CHD3: variants seen among roughly 807,000 people sequenced by gnomAD.
CHD3 encodes the protein chromodomain helicase DNA binding protein 3, also known as ATP-dependent chromatin remodeler CHD3.
In CHD3, 52 loss-of-function variants were observed where a neutral mutation model predicts 248.9. That is an observed-to-expected ratio of 0.21 (90% CI 0.17 to 0.26). The LOEUF is 0.26. Ranked by LOEUF, CHD3 falls within the 10% of genes least tolerant of loss-of-function variation. CHD3 has a pLI of 1.00. For missense variants in CHD3, 1,482 were observed against 2,605.8 expected (o/e 0.57, Z 9.39); for synonymous variants, 985 against 985.2 (o/e 1.00, Z 0.00).
Position 7,890,978 on chromosome 17 carries a change from C to T in CHD3, c.423C>T (p.Thr141=), listed in dbSNP as rs768247041. 3 of 1,613,996 alleles carry T rather than the reference C, an allele frequency of 1.9e-6. No individual in the cohort carries two copies. Among genetic ancestry groups the T allele is most frequent in the East Asian group, 4.5e-5 (2 of 44,890 alleles). ...EQKSSATLLL[T]WGLEDVEHVF... ...AGTCATCAGCAACTCTGCTTCTGAC[C>T]TGGGGCCTGGAGGATGTGGAGCATG... Residue 141 remains threonine, a synonymous_variant, in exon 4 of 40, where the codon ACC becomes ACT. Transcript: ENST00000330494.
Position 7,911,655 on chromosome 17 carries a change from C to G in CHD3, c.*70C>G. 1 of 1,608,368 alleles carries G rather than the reference C, an allele frequency of 6.2e-7. No individual in the cohort carries two copies. The highest frequency in any genetic ancestry group is 8.5e-7 in the Non-Finnish European group (1 of 1,176,918). On this transcript the variant is annotated 3_prime_UTR_variant, in exon 40 of 40. Coordinates refer to ENST00000330494, the MANE Select transcript of CHD3 (RefSeq NM_001005273.3). The surrounding 1 kb of genome is among the most constrained non-coding windows in gnomAD (Gnocchi z 5.4). ...CGACCCCCAGCTCAAGCGCTGGGGC[C>G]TGCTGCCAGCCCTCCACCTTCCCCA...
At chr17:7,894,068 G>T in intron 6 of CHD3, 47 bp from the exon 7 acceptor site, 1 of 1,579,130 alleles carries the variant, frequency 6.3e-7, no homozygotes, top group Non-Finnish European at 8.6e-7. Context: ...CCTGGGGAGG[G>T]CGTAGAATGA....
rs771229411 is a variant in CHD3, at chr17:7,910,346, C to A, written c.5591-82C>A. The A allele has an allele frequency of 7.1e-6, 11 of 1,555,726 alleles. No individual in the cohort carries two copies. Among genetic ancestry groups the A allele is most frequent in the Non-Finnish European group, 8.9e-6 (10 of 1,127,470 alleles). The stretch of plus-strand genomic sequence containing the variant: ...TCTTTTTCTGCCTGTATCTGTCCAT[C>A]TGATGCCTCTCTTTTCCTGGCTCCA... On this transcript the variant is annotated intron_variant, in intron 37 of 39. Coordinates refer to ENST00000330494, the MANE Select transcript of CHD3 (RefSeq NM_001005273.3). The surrounding 1 kb of genome is among the most constrained non-coding windows in gnomAD (Gnocchi z 4.7).
chr17:7,905,444 TG>T lies in CHD3; in HGVS notation c.4139-175del, dbSNP rs1970812891. ...TCAGCTGTTAATTTTAAAATATGAC[TG>T]GTTCTTTTAGACTTAGTGGGTTAGT... is the stretch of plus-strand genomic sequence containing the variant. On this transcript the variant is annotated intron_variant, in intron 26 of 39. Transcript: ENST00000330494. The surrounding 1 kb of genome is among the most constrained non-coding windows in gnomAD (Gnocchi z 5.8). 6.6e-6 allele frequency among the ~76,000 whole-genome samples: 1 copy of T among 152,180 alleles called. No individual in the cohort carries two copies. Among genetic ancestry groups the T allele is most frequent in the African/African-American group, 2.4e-5 (1 of 41,428 alleles).
chr17:7,886,948 G>C (rs1047064564), upstream of CHD3, among the ~76,000 whole-genome samples: 1 of 152,030 alleles, frequency 6.6e-6, no homozygotes, highest in Admixed American at 6.6e-5. The surrounding 1 kb of genome is among the most constrained non-coding windows in gnomAD (Gnocchi z 4.2). Flanking sequence ...CAGAAGAGAC[G>C]TCAGAGGCTG....
At position 7,903,209 on chromosome 17, in the gene CHD3, C is replaced by G; in HGVS notation, c.3496-63C>G. The G allele has an allele frequency of 1.9e-6, 3 of 1,583,568 alleles. No homozygotes were observed. In the South Asian group the frequency reaches 3.3e-5, roughly 18 times the overall value. On this transcript the variant is annotated intron_variant, in intron 22 of 39. Coordinates refer to ENST00000330494, the MANE Select transcript of CHD3 (RefSeq NM_001005273.3). The surrounding 1 kb of genome is among the most constrained non-coding windows in gnomAD (Gnocchi z 6.8). ...AGCAGCCTTCTTTCCTGAGGCAGCT[C>G]TATGGGCAGCTTCTCCCCGGCCACT...
In CHD3 at chr17:7,900,621, G is replaced by T; in HGVS notation, c.2868G>T (p.Leu956=). ...CCAAAGAGGACCAGATCAAGAAACT[G>T]CATGATTTGCTGGGGCCACACATGC... ...DISKEDQIKK[L]HDLLGPHMLR... Residue 956 remains leucine, a synonymous_variant, in exon 18 of 40, where the codon CTG becomes CTT. Coordinates refer to ENST00000330494, the MANE Select transcript of CHD3 (RefSeq NM_001005273.3). The surrounding 1 kb of genome is among the most constrained non-coding windows in gnomAD (Gnocchi z 6.5). 1 of 1,614,082 alleles carries T rather than the reference G, an allele frequency of 6.2e-7. No homozygotes were observed. The highest frequency in any genetic ancestry group is 1.7e-5 in the Admixed American group (1 of 60,018).
rs1159367742 is a variant in CHD3, at chr17:7,900,998, A to T, written c.3120+5A>T. The T allele has an allele frequency of 1.2e-6, 2 of 1,613,588 alleles. No individual in the cohort carries two copies. The highest frequency in any genetic ancestry group is 3.3e-5 in the Admixed American group (2 of 59,974). On this transcript the variant is annotated splice_donor_5th_base_variant and intron_variant, in intron 19 of 39. Transcript: ENST00000330494. This position sits in a 1 kb window ranked among gnomAD's most constrained non-coding sequence, Gnocchi z 6.5. ...CTTTTTCCCGTGGCTGCTATGGTAG[A>T]TACACAGAGCAGGGAGCTGATCGAA...
chr17:7,902,277 C>A (rs906043297), intron 20 of CHD3, among the ~76,000 whole-genome samples: 1 of 152,004 alleles, frequency 6.6e-6, no homozygotes, highest in Non-Finnish European at 1.5e-5. Context: ...CAAAAATTAG[C>A]TGGGCGTGGT....
In CHD3 at chr17:7,900,201, G is replaced by A; in HGVS notation, c.2683-89G>A. 1 of 1,549,876 alleles carries A rather than the reference G, an allele frequency of 6.5e-7. No individual in the cohort carries two copies. The highest frequency in any genetic ancestry group is 8.7e-7 in the Non-Finnish European group (1 of 1,154,654). On this transcript the variant is annotated intron_variant, in intron 16 of 39. Transcript: ENST00000330494. The surrounding 1 kb of genome is among the most constrained non-coding windows in gnomAD (Gnocchi z 6.5). ...GGGCCTCTGATCCTGAGTGAAATGG[G>A]AGCTGGGGCAGGGAAAGGCTGATGC...
In CHD3 at chr17:7,906,312, G is replaced by A. The variant is rs1289405945; in HGVS notation, c.4359-241G>A. On this transcript the variant is annotated intron_variant, in intron 28 of 39. Transcript: ENST00000330494. The surrounding 1 kb of genome is among the most constrained non-coding windows in gnomAD (Gnocchi z 5.0). ...GAGCTGGTGGAAAGGATGAAGAGCT[G>A]ACTGATGGGGCCCAGGAATTAAGTA... 4 of 676,636 alleles carry A rather than the reference G, an allele frequency of 5.9e-6. No individual in the cohort carries two copies. In the East Asian group the frequency reaches 1.0e-4, roughly 17 times the overall value. The allele number at this position is 676,636 out of a possible 1,614,324, so 41.9% of individuals were successfully genotyped here. A position where few individuals can be genotyped will look rare whatever the true frequency, so the allele number is the denominator to read the frequency against.
At position 7,905,747 on chromosome 17, in the gene CHD3, C is replaced by T; in HGVS notation, c.4224+41C>T. 1 of 1,612,098 alleles carries T rather than the reference C, an allele frequency of 6.2e-7. No individual in the cohort carries two copies. The highest frequency in any genetic ancestry group is 8.5e-7 in the Non-Finnish European group (1 of 1,178,280). ...AGTGTTCCTGAGTTCTCCAAGAGGG[C>T]ATGAGGGCAGGAGGTTGGAAGTTGG... On this transcript the variant is annotated intron_variant, in intron 27 of 39. Transcript: ENST00000330494. This position sits in a 1 kb window ranked among gnomAD's most constrained non-coding sequence, Gnocchi z 5.8.
rs756760970 is a variant in CHD3, at chr17:7,890,657, TCGGAAA to T, written c.303_308del (p.Lys102_Arg103del). 7.6e-6 allele frequency: 12 copies of T among 1,581,454 alleles called. No individual in the cohort carries two copies. Among genetic ancestry groups the T allele is most frequent in the Non-Finnish European group, 1.0e-5 (12 of 1,169,862 alleles). On this transcript the variant is annotated inframe_deletion, in exon 3 of 40. Transcript: ENST00000330494. ...GCAGTGAATATGGAACCGGACCGGG[TCGGAAA>T]CGAAGAAGGAAGCACCGAGAAAAAA...
chr17:7,893,713 C>A, intron 5 of CHD3, 92 bp from the exon 6 acceptor site: 1 of 1,550,092 alleles, frequency 6.5e-7, no homozygotes, highest in Non-Finnish European at 8.7e-7. Flanking sequence ...AACCACAGCC[C>A]ACAGAGGAAT....
At position 7,909,004 on chromosome 17, in the gene CHD3, G is replaced by A. The variant is rs1451391961; in HGVS notation, c.5395-139G>A. 2 of 1,404,382 alleles carry A rather than the reference G, an allele frequency of 1.4e-6. No homozygotes were observed. Among genetic ancestry groups the A allele is most frequent in the African/African-American group, 2.9e-5 (2 of 70,086 alleles). The allele number at this position is 1,404,382 out of a possible 1,614,324, so 87.0% of individuals were successfully genotyped here. A position where few individuals can be genotyped will look rare whatever the true frequency, so the allele number is the denominator to read the frequency against. ...GTGATCTGGGTCAGGGTTGCTGCTA[G>A]GTTCGCAGTCGGTTTGGAGCTGGGA... On this transcript the variant is annotated intron_variant, in intron 36 of 39. Transcript: ENST00000330494. The surrounding 1 kb of genome is among the most constrained non-coding windows in gnomAD (Gnocchi z 8.1).
chr17:7,907,006 C>T lies in CHD3; in HGVS notation c.4641C>T (p.Thr1547=). The T allele has an allele frequency of 1.9e-6, 3 of 1,614,188 alleles. No homozygotes were observed. The highest frequency in any genetic ancestry group is 1.7e-6 in the Non-Finnish European group (2 of 1,180,034). ...TSPTTPEASA[T]NSPCTSKPAT... ...CCACCACTCCTGAGGCTTCTGCTAC[C>T]AACAGTCCCTGCACCTCTAAACCTG... The change falls in exon 30 of 40, where the codon ACC becomes ACT. Residue 1547 remains threonine, a synonymous_variant. Coordinates refer to ENST00000330494, the MANE Select transcript of CHD3 (RefSeq NM_001005273.3). This position sits in a 1 kb window ranked among gnomAD's most constrained non-coding sequence, Gnocchi z 4.3.
In CHD3 at chr17:7,906,814, T is replaced by C; in HGVS notation, c.4504-55T>C. On this transcript the variant is annotated intron_variant, in intron 29 of 39. Transcript: ENST00000330494. The surrounding 1 kb of genome is among the most constrained non-coding windows in gnomAD (Gnocchi z 5.0). The stretch of plus-strand genomic sequence containing the variant: ...GTGTGAGACGGAGGAGACTGGAGCT[T>C]CCTGTCTGTAAGCGCCTGGAGCTGA... 1 of 1,606,362 alleles carries C rather than the reference T, an allele frequency of 6.2e-7. No homozygotes were observed. The highest frequency in any genetic ancestry group is 8.5e-7 in the Non-Finnish European group (1 of 1,175,322).
rs1167131342 is a variant in CHD3, at chr17:7,911,247, A to G, written c.5882-217A>G. Reference sequence around the variant, plus strand: ...TCCGGGTTCCTTCAAGGGAAAGTGAATATGAAACCCGAGGGGTTAGAGAGT... The same window carrying G: ...TCCGGGTTCCTTCAAGGGAAAGTGAGTATGAAACCCGAGGGGTTAGAGAGT... On this transcript the variant is annotated intron_variant, in intron 39 of 39. Coordinates refer to ENST00000330494, the MANE Select transcript of CHD3 (RefSeq NM_001005273.3). The surrounding 1 kb of genome is among the most constrained non-coding windows in gnomAD (Gnocchi z 5.4). 6.6e-6 allele frequency among the ~76,000 whole-genome samples: 1 copy of G among 152,222 alleles called. No individual in the cohort carries two copies. The highest frequency in any genetic ancestry group is 1.5e-5 in the Non-Finnish European group (1 of 68,040).
At position 7,899,580 on chromosome 17, in the gene CHD3, A is replaced by G. The variant is rs776002121; in HGVS notation, c.2544+37A>G. 1 of 1,583,214 alleles carries G rather than the reference A, an allele frequency of 6.3e-7. No homozygotes were observed. The highest frequency in any genetic ancestry group is 8.7e-7 in the Non-Finnish European group (1 of 1,155,314). ...TACCTCATATCCTCTGAGACCCTCA[A>G]AGCTGTCACTTCTTTTTCTCAGCCA... On this transcript the variant is annotated intron_variant, in intron 15 of 39. Coordinates refer to ENST00000330494, the MANE Select transcript of CHD3 (RefSeq NM_001005273.3). This position sits in a 1 kb window ranked among gnomAD's most constrained non-coding sequence, Gnocchi z 6.8.
Sources: gnomAD v4.1 joint callset for allele counts (sites outside exome capture counted in the v4.1 genomes callset) on GRCh38, gnomAD v4.1.1 for gene constraint, Gnocchi (gnomAD v3.1) non-coding constraint, MANE v1.5 for transcripts, NCBI Gene and HGNC (gene_info 2026-07-23, HGNC 2026-07-21) for gene names.